CORO7: variants seen among roughly 807,000 people sequenced by gnomAD.
CORO7 encodes the protein coronin 7, also known as coronin-7.
A neutral mutation model predicts 126.6 loss-of-function variants in CORO7; 107 were observed. That is an observed-to-expected ratio of 0.85 (90% CI 0.72 to 0.99). The LOEUF (loss-of-function observed/expected upper bound fraction) is 0.99, where lower values mean the gene tolerates loss of function less well. CORO7 is among the 50% of genes least tolerant of loss of function. The pLI, the probability that CORO7 is intolerant of heterozygous loss-of-function variation, is 0.00. For missense variants in CORO7, 1,314 were observed against 1,255.8 expected (o/e 1.05, Z -0.70); for synonymous variants, 603 against 536.8 (o/e 1.12, Z -1.70).
rs1193122922 is a variant in CORO7 at position 4,355,057 on chromosome 16, T to A, written c.*101A>T. On this transcript the variant is annotated 3_prime_UTR_variant, in exon 28 of 28. Coordinates refer to ENST00000251166, the MANE Select transcript of CORO7 (RefSeq NM_024535.5). ...GGAAGGCAGGAGTGCAGGGGTGACA[T>A]GTGCCGGGGCCAGAGAGGTATCTTC... The A allele has an allele frequency of 2.3e-6, 3 of 1,326,074 alleles. No homozygotes were observed. The highest frequency in any genetic ancestry group is 2.0e-6 in the Non-Finnish European group (2 of 997,364). 82.1% of individuals were successfully genotyped at this position (1,326,074 alleles called of 1,614,324 possible).
intron 6 of CORO7, among the ~76,000 whole-genome samples, chr16:4,398,527 G>GTGGTGGC (rs1483535181): frequency 6.6e-6 from 1 of 152,020 alleles, no homozygotes; most frequent in African/African-American, 2.4e-5. Flanking sequence ...TTAGCCGGGC[G>GTGGTGGC]TGGTGGCGTG....
intron 6 of CORO7, among the ~76,000 whole-genome samples, chr16:4,396,339 A>G (rs985877408): frequency 1.4e-4 from 22 of 152,196 alleles, no homozygotes; most frequent in Non-Finnish European, 2.6e-4. Context: ...TCGGCCTCCC[A>G]AAATGCTGGG....
At chr16:4,381,322 C>G (rs766743750) in intron 9 of CORO7, 1 of 1,611,154 alleles carries the variant, frequency 6.2e-7, no homozygotes, top group Non-Finnish European at 8.5e-7. Context: ...CACGCTCGAC[C>G]GCCTCCTGGA....
chr16:4,382,982 T>G (rs893690478), intron 9 of CORO7: 1 of 1,384,702 alleles, frequency 7.2e-7, no homozygotes, highest in Non-Finnish European at 9.6e-7. Flanking sequence ...CCACGTAAGT[T>G]CTCAGTCCCA....
chr16:4,381,782 G>A (rs2054983325), intron 9 of CORO7: 2 of 1,600,806 alleles, frequency 1.2e-6, no homozygotes, highest in Non-Finnish European at 8.5e-7. Context: ...CCCTTCAACT[G>A]CGTGTGCCCC....
chr16:4,388,072 C>A lies in CORO7; in HGVS notation c.703-4G>T, dbSNP rs2055256640. On this transcript the variant is annotated splice_region_variant and splice_polypyrimidine_tract_variant and intron_variant, in intron 8 of 27. Coordinates refer to ENST00000251166, the MANE Select transcript of CORO7 (RefSeq NM_024535.5). The stretch of plus-strand genomic sequence containing the variant: ...GCTTCACTTCGCGCTCACGCATCTG[C>A]AGGGAGGGCGAGAGAGGGGCTCAGA... 3 of 1,610,960 alleles carry A rather than the reference C, an allele frequency of 1.9e-6. No homozygotes were observed. The East Asian group carries it at 6.7e-5, about 36-fold the overall frequency.
chr16:4,413,440 C>T, intron 1 of CORO7, 36 bp from the exon 2 acceptor site: 1 of 1,545,074 alleles, frequency 6.5e-7, no homozygotes, highest in Non-Finnish European at 8.8e-7. Flanking sequence ...GTGGTGAGAG[C>T]CAGGGTTCCA....
intron 1 of CORO7, chr16:4,414,337 G>A (rs899520471): frequency 6.6e-6 from 1 of 152,134 alleles, no homozygotes; most frequent in Non-Finnish European, 1.5e-5. Context: ...GTCAGTAAAA[G>A]AAACACCCCC....
At chr16:4,370,963 G>C (rs2054502728) in intron 9 of CORO7, among the ~76,000 whole-genome samples, 2 of 152,240 alleles carry the variant, frequency 1.3e-5, no homozygotes, top group Non-Finnish European at 2.9e-5. Flanking sequence ...AAACGCGGAG[G>C]GGGAGGAGGG....
chr16:4,356,979 T>A, intron 26 of CORO7, 189 bp downstream of exon 26: 1 of 773,584 alleles, frequency 1.3e-6, no homozygotes, highest in Non-Finnish European at 2.0e-6. Context: ...CCCACTGCCC[T>A]CCCCCACTTC....
chr16:4,359,246 C>A (rs764139188), intron 23 of CORO7, 50 bp downstream of exon 23: 4 of 1,527,496 alleles, frequency 2.6e-6, no homozygotes, highest in Non-Finnish European at 3.5e-6. Flanking sequence ...CACCAGGGGG[C>A]AGGGCAGCCT....
intron 14 of CORO7, among the ~76,000 whole-genome samples, chr16:4,363,792 G>A (rs541612275): frequency 3.0e-4 from 45 of 151,380 alleles, no homozygotes; most frequent in Non-Finnish European, 6.0e-4. Context: ...GCCGAGGCGG[G>A]TGGATCACCT....
At chr16:4,409,035 A>G (rs999803927) in intron 3 of CORO7, among the ~76,000 whole-genome samples, 6 of 152,054 alleles carry the variant, frequency 3.9e-5, no homozygotes, top group African/African-American at 1.5e-4. Context: ...GCACAGAGTG[A>G]GCCAGACCCC....
At chr16:4,393,496 C>T (rs926681405) in intron 7 of CORO7, among the ~76,000 whole-genome samples, 1 of 152,212 alleles carries the variant, frequency 6.6e-6, no homozygotes, top group Non-Finnish European at 1.5e-5. Context: ...TCTCGGTCTT[C>T]AGCTGGACAA....
Position 4,408,170 on chromosome 16 carries a change from G to A in CORO7, c.303+11C>T. On this transcript the variant is annotated intron_variant, in intron 4 of 27. Transcript: ENST00000251166. ...GGACATAGAGCAGCTCTTCCAACTG[G>A]CTCCACTCACCGTCCTGTCAGCCGA... 6.2e-7 allele frequency: 1 copy of A among 1,614,100 alleles called. No homozygotes were observed. Among genetic ancestry groups the A allele is most frequent in the Non-Finnish European group, 8.5e-7 (1 of 1,179,992 alleles).
chr16:4,366,701 T>C (rs1012079854), intron 9 of CORO7, among the ~76,000 whole-genome samples: 4 of 151,988 alleles, frequency 2.6e-5, no homozygotes, highest in Non-Finnish European at 5.9e-5. Context: ...CCACCATGGC[T>C]GGCTATTTTT....
chr16:4,372,264 AC>A (rs2054563141), intron 9 of CORO7, among the ~76,000 whole-genome samples: 3 of 151,770 alleles, frequency 2.0e-5, no homozygotes, highest in Admixed American at 2.0e-4. Context: ...CAAAATAAAC[AC>A]CCCGTCCCAT....
chr16:4,381,062 A>G, intron 9 of CORO7: 1 of 1,610,540 alleles, frequency 6.2e-7, no homozygotes, highest in Non-Finnish European at 8.5e-7. Flanking sequence ...GTCTTTGAGA[A>G]CGGCATCACC....
intron 7 of CORO7, among the ~76,000 whole-genome samples, chr16:4,394,364 G>T (rs896720250): frequency 6.6e-5 from 10 of 151,612 alleles, no homozygotes; most frequent in Non-Finnish European, 1.5e-4. Flanking sequence ...TGAGAGAATG[G>T]TGTGAACCCA....
Sources: gnomAD v4.1 joint callset for allele counts (sites outside exome capture counted in the v4.1 genomes callset) on GRCh38, gnomAD v4.1.1 for gene constraint, MANE v1.5 for transcripts, NCBI Gene and HGNC (gene_info 2026-07-23, HGNC 2026-07-21) for gene names.